The following PACRG variants were observed in gnomAD, a reference collection of about 807,000 sequenced individuals.
PACRG encodes parkin coregulated gene protein.
A neutral mutation model predicts 29.7 loss-of-function variants in PACRG; 29 were observed. The ratio of observed to expected loss-of-function variants is 0.98; its 90% CI spans 0.73 to 1.33. PACRG has a LOEUF of 1.33. Among genes scored for constraint, PACRG ranks in the 40% most tolerant of loss-of-function variants. The pLI is 0.00. For synonymous variants in PACRG, 116 were observed against 118.7 expected (o/e 0.98, Z 0.15); for missense variants, 279 against 316.2 (o/e 0.88, Z 0.89).
chr6:162,846,610 C>T (rs376102482), intron 2 of PACRG, among the ~76,000 whole-genome samples: 3 of 152,196 alleles, frequency 2.0e-5, no homozygotes, highest in African/African-American at 4.8e-5. Context: ...ATCCCCACAT[C>T]GTATCCTGCC....
chr6:162,878,662 T>C (rs1037909487), intron 2 of PACRG, among the ~76,000 whole-genome samples: 1 of 152,138 alleles, frequency 6.6e-6, no homozygotes, highest in Non-Finnish European at 1.5e-5. Context: ...TTTTAAAAAA[T>C]AGTACTAGGG....
At chr6:163,181,483 G>C (rs1779658585) in intron 4 of PACRG, among the ~76,000 whole-genome samples, 1 of 151,758 alleles carries the variant, frequency 6.6e-6, no homozygotes, top group Non-Finnish European at 1.5e-5. Flanking sequence ...CCCAGTCTCT[G>C]TGTCTCGTGC....
chr6:162,763,761 A>G (rs1380187893), intron 1 of PACRG, among the ~76,000 whole-genome samples: 1 of 152,128 alleles, frequency 6.6e-6, no homozygotes, highest in Non-Finnish European at 1.5e-5. Context: ...TTTTCTGTTG[A>G]CTTATATTAA....
At chr6:163,031,741 C>A (rs990355153) in intron 2 of PACRG, among the ~76,000 whole-genome samples, 5 of 152,192 alleles carry the variant, frequency 3.3e-5, no homozygotes, top group African/African-American at 4.8e-5. Flanking sequence ...CCATGGGTTT[C>A]TACCCTCAAA....
intron 4 of PACRG, among the ~76,000 whole-genome samples, chr6:163,203,344 C>T (rs992483431): frequency 4.6e-5 from 7 of 152,060 alleles, no homozygotes; most frequent in African/African-American, 1.4e-4. Context: ...GCCCAGGAGG[C>T]GGAGGTTGCA....
At chr6:162,925,608 TC>T (rs1214206911) in intron 2 of PACRG, among the ~76,000 whole-genome samples, 1 of 152,070 alleles carries the variant, frequency 6.6e-6, no homozygotes, top group East Asian at 1.9e-4. Context: ...AAATTCAACA[TC>T]CTTTCATGTT....
At chr6:163,005,310 C>G (rs1804964169) in intron 2 of PACRG, among the ~76,000 whole-genome samples, 1 of 151,882 alleles carries the variant, frequency 6.6e-6, no homozygotes. Flanking sequence ...AATTTCCACT[C>G]AGATATTTAT....
chr6:162,828,613 A>G (rs9347691), intron 2 of PACRG, among the ~76,000 whole-genome samples: 9,854 of 152,282 alleles, frequency 0.065, 462 homozygotes, highest in East Asian at 0.26. Context: ...TAATAGTATG[A>G]AGCAAAATAA....
chr6:162,807,139 G>A lies in PACRG; in HGVS notation c.157-7008G>A, dbSNP rs190559254. Among the ~76,000 whole-genome samples, 55 of 152,162 alleles carry A rather than the reference G, an allele frequency of 3.6e-4. 1 individual carries two copies. Among genetic ancestry groups the A allele is most frequent in the Admixed American group, 3.5e-3 (54 of 15,284 alleles). On this transcript the variant is annotated intron_variant, in intron 1 of 4. Transcript: ENST00000366888. Reference sequence around the variant, plus strand: ...CCTTCACAGAATTGAAGACAGTTAGGGCCTTCCTCTGGATTAGGCTTTGGC... The same window carrying A: ...CCTTCACAGAATTGAAGACAGTTAGAGCCTTCCTCTGGATTAGGCTTTGGC...
At chr6:163,084,282 A>G (rs1585175820) in intron 3 of PACRG, among the ~76,000 whole-genome samples, 2 of 152,302 alleles carry the variant, frequency 1.3e-5, no homozygotes, top group Middle Eastern at 6.8e-3. Flanking sequence ...ACAAAATCAT[A>G]TTCTCTTTAT....
At chr6:163,223,832 T>C (rs1452959655) in intron 4 of PACRG, among the ~76,000 whole-genome samples, 2 of 152,168 alleles carry the variant, frequency 1.3e-5, no homozygotes, top group Non-Finnish European at 2.9e-5. Flanking sequence ...GCCTTGCTAA[T>C]TGAATTGCTT....
At chr6:162,897,854 G>A (rs752070880) in intron 2 of PACRG, among the ~76,000 whole-genome samples, 10 of 152,176 alleles carry the variant, frequency 6.6e-5, no homozygotes, top group Admixed American at 2.0e-4. Flanking sequence ...TCTGGGATGC[G>A]TCGTCAAGGC....
chr6:163,105,760 T>C (rs552520882), intron 4 of PACRG, among the ~76,000 whole-genome samples: 79 of 152,276 alleles, frequency 5.2e-4, no homozygotes, highest in African/African-American at 1.9e-3. Flanking sequence ...ATCCTGTGAC[T>C]TTAGTCAAAT....
intron 2 of PACRG, among the ~76,000 whole-genome samples, chr6:162,974,956 C>T (rs976090481): frequency 6.6e-6 from 1 of 152,220 alleles, no homozygotes; most frequent in Non-Finnish European, 1.5e-5. Context: ...TTGACTCTTA[C>T]AGCAGTGAGC....
chr6:163,121,039 T>C (rs1308898042), intron 4 of PACRG, among the ~76,000 whole-genome samples: 1 of 152,248 alleles, frequency 6.6e-6, no homozygotes, highest in Non-Finnish European at 1.5e-5. Flanking sequence ...TTCCATTTTC[T>C]ATGGTCAAAG....
chr6:162,893,450 T>C (rs775562503), intron 2 of PACRG, among the ~76,000 whole-genome samples: 2 of 152,128 alleles, frequency 1.3e-5, no homozygotes, highest in Non-Finnish European at 2.9e-5. Context: ...GGAGGCTACA[T>C]TGTAGTGATT....
intron 4 of PACRG, among the ~76,000 whole-genome samples, chr6:163,180,093 CT>C: frequency 6.6e-6 from 1 of 152,248 alleles, no homozygotes; most frequent in Non-Finnish European, 1.5e-5. Flanking sequence ...GTGATCAGCT[CT>C]GGTCATTGTG....
chr6:162,976,076 T>C (rs921246514), intron 2 of PACRG, among the ~76,000 whole-genome samples: 1 of 151,900 alleles, frequency 6.6e-6, no homozygotes, highest in Non-Finnish European at 1.5e-5. Flanking sequence ...AACACGAAGA[T>C]GAACAGAATA....
chr6:162,949,802 C>A (rs531742954), intron 2 of PACRG, among the ~76,000 whole-genome samples: 2 of 152,252 alleles, frequency 1.3e-5, no homozygotes, highest in East Asian at 3.9e-4. Flanking sequence ...TAGGGCCCAG[C>A]TCTGAAGAGG....
Sources: allele counts gnomAD v4.1 joint callset (sites outside exome capture counted in the v4.1 genomes callset), GRCh38; gene constraint gnomAD v4.1.1; transcripts MANE v1.5; gene names NCBI Gene and HGNC (gene_info 2026-07-23, HGNC 2026-07-21).